The following VTI1A variants were observed in gnomAD, a reference collection of about 807,000 sequenced individuals.
VTI1A encodes the protein vesicle transport through interaction with t-SNAREs 1A, also known as vesicle transport through interaction with t-SNAREs homolog 1A.
Under a neutral mutation model 34.9 loss-of-function variants are expected in VTI1A, and 22 were observed. That is an observed-to-expected ratio of 0.63 (90% CI 0.45 to 0.90). The LOEUF is 0.90. Among genes scored for constraint, VTI1A ranks in the 40% least tolerant of loss-of-function variants. VTI1A has a pLI of 0.00. For missense variants in VTI1A, 268 were observed against 275.6 expected (o/e 0.97, Z 0.20); for synonymous variants, 87 against 97.3 (o/e 0.89, Z 0.62).
Position 112,817,704 on chromosome 10 carries a change from C to T in VTI1A, c.*2321C>T. 1 of 228,988 alleles carries T rather than the reference C, an allele frequency of 4.4e-6. No individual in the cohort carries two copies. Among genetic ancestry groups the T allele is most frequent in the Non-Finnish European group, 8.7e-6 (1 of 115,310 alleles). 14.2% of individuals were successfully genotyped at this position (228,988 alleles called of 1,614,324 possible). Reference sequence around the variant, plus strand: ...CAGAGGCCAATTGCTCTCCTTCCTTCCCTGCCCCACCAGGAAAGGAATAAC... The same window carrying T: ...CAGAGGCCAATTGCTCTCCTTCCTTTCCTGCCCCACCAGGAAAGGAATAAC... On this transcript the variant is annotated 3_prime_UTR_variant, in exon 8 of 8. Transcript: ENST00000393077.
intron 3 of VTI1A, among the ~76,000 whole-genome samples, chr10:112,486,376 T>C (rs1848626962): frequency 6.6e-6 from 1 of 152,182 alleles, no homozygotes; most frequent in Non-Finnish European, 1.5e-5. Flanking sequence ...TACCTCACAA[T>C]GGGTTAATCA....
At chr10:112,504,141 G>T (rs1436028314) in intron 3 of VTI1A, among the ~76,000 whole-genome samples, 3 of 152,134 alleles carry the variant, frequency 2.0e-5, no homozygotes, top group Non-Finnish European at 4.4e-5. Flanking sequence ...TTACCTAGAA[G>T]ATGCTAGAGG....
At chr10:112,787,462 G>A (rs879249412) in intron 7 of VTI1A, among the ~76,000 whole-genome samples, 1 of 151,894 alleles carries the variant, frequency 6.6e-6, no homozygotes, top group African/African-American at 2.4e-5. Flanking sequence ...TTCTTAATGT[G>A]GTAGCTTAGA....
chr10:112,636,097 A>C (rs1846342511), intron 5 of VTI1A, among the ~76,000 whole-genome samples: 2 of 152,200 alleles, frequency 1.3e-5, no homozygotes, highest in African/African-American at 4.8e-5. Context: ...TGCAAGGGAG[A>C]GAGATCCGAG....
chr10:112,821,971 C>T (rs562892309), downstream of VTI1A, among the ~76,000 whole-genome samples: 1 of 152,296 alleles, frequency 6.6e-6, no homozygotes, highest in East Asian at 1.9e-4. Flanking sequence ...CTAGAGAGGC[C>T]GTCCTGTGGT....
intron 5 of VTI1A, among the ~76,000 whole-genome samples, chr10:112,555,177 A>T (rs969010318): frequency 2.0e-5 from 3 of 152,138 alleles, no homozygotes; most frequent in African/African-American, 7.2e-5. Context: ...AATTTTCTCT[A>T]TATTTAAAGT....
chr10:112,817,199 C>A lies in VTI1A; in HGVS notation c.*1816C>A, dbSNP rs910877296. The A allele has an allele frequency of 1.4e-4, 33 of 232,480 alleles. No homozygotes were observed. Among genetic ancestry groups the A allele is most frequent in the Non-Finnish European group, 2.5e-4 (30 of 117,654 alleles). The allele number at this position is 232,480 out of a possible 1,614,324, so 14.4% of individuals were successfully genotyped here. A position where few individuals can be genotyped will look rare whatever the true frequency, so the allele number is the denominator to read the frequency against. ...AATAGTCATCGAGTATTACACCAGCCCCTCTGGTGGCTTCCTTCAAAACTG... is the reference window on the plus strand; with the variant it reads ...AATAGTCATCGAGTATTACACCAGCACCTCTGGTGGCTTCCTTCAAAACTG... On this transcript the variant is annotated 3_prime_UTR_variant, in exon 8 of 8. Coordinates refer to ENST00000393077, the MANE Select transcript of VTI1A (RefSeq NM_145206.4).
chr10:112,854,132 C>T, the VTI1A span, among the ~76,000 whole-genome samples: 1 of 152,204 alleles, frequency 6.6e-6, no homozygotes, highest in Non-Finnish European at 1.5e-5. Flanking sequence ...ACACTGTTCA[C>T]ATGGACAGAG....
intron 5 of VTI1A, among the ~76,000 whole-genome samples, chr10:112,660,300 C>T (rs1473771777): frequency 2.6e-5 from 4 of 152,094 alleles, no homozygotes; most frequent in Admixed American, 2.6e-4. Flanking sequence ...GGGTTTCACC[C>T]TGTTGGCCAG....
At chr10:112,666,807 C>T (rs1188241668) in intron 5 of VTI1A, among the ~76,000 whole-genome samples, 1 of 152,114 alleles carries the variant, frequency 6.6e-6, no homozygotes, top group Non-Finnish European at 1.5e-5. Flanking sequence ...TTATATCAAT[C>T]AATTATCATT....
intron 7 of VTI1A, among the ~76,000 whole-genome samples, chr10:112,746,039 A>G (rs1295441677): frequency 6.6e-6 from 1 of 152,198 alleles, no homozygotes; most frequent in East Asian, 1.9e-4. Context: ...GTACATAGCC[A>G]TTGGTCAACA....
In VTI1A at chr10:112,767,367, T is replaced by C. The variant is rs1361194726; in HGVS notation, c.561-47923T>C. The stretch of plus-strand genomic sequence containing the variant: ...ACCTCAGAGCCCATACTCTTAATCA[T>C]TTGTTTATTTTGCTTCCCCAAGTCC... On this transcript the variant is annotated intron_variant, in intron 7 of 7. Coordinates refer to ENST00000393077, the MANE Select transcript of VTI1A (RefSeq NM_145206.4). The surrounding 1 kb of genome is among the most constrained non-coding windows in gnomAD (Gnocchi z 4.0). 6.6e-6 allele frequency among the ~76,000 whole-genome samples: 1 copy of C among 152,234 alleles called. No individual in the cohort carries two copies. Among genetic ancestry groups the C allele is most frequent in the Admixed American group, 6.5e-5 (1 of 15,278 alleles).
At chr10:112,715,279 T>C (rs556147935) in intron 7 of VTI1A, among the ~76,000 whole-genome samples, 1 of 152,234 alleles carries the variant, frequency 6.6e-6, no homozygotes, top group Admixed American at 6.5e-5. Context: ...AGCACCTAAA[T>C]GAATAATCTA....
At position 112,538,226 on chromosome 10, in the gene VTI1A, TCCCCC is replaced by T. The variant is rs1589876708; in HGVS notation, c.343-19_343-15del. 4 of 1,604,564 alleles carry T rather than the reference TCCCCC, an allele frequency of 2.5e-6. No individual in the cohort carries two copies. The highest frequency in any genetic ancestry group is 3.4e-6 in the Non-Finnish European group (4 of 1,175,272). On this transcript the variant is annotated splice_polypyrimidine_tract_variant and intron_variant, in intron 4 of 7. Coordinates refer to ENST00000393077, the MANE Select transcript of VTI1A (RefSeq NM_145206.4). ...TGTAGACGGCCGTCTGATTTTTTTTTCCCCCTTTTTCTTTTTCAGAGGGCACATCT... is the reference window on the plus strand; with the variant it reads ...TGTAGACGGCCGTCTGATTTTTTTTTTTTTTCTTTTTCAGAGGGCACATCT...
the VTI1A span, among the ~76,000 whole-genome samples, chr10:112,853,696 T>G: frequency 1.3e-5 from 2 of 152,128 alleles, no homozygotes; most frequent in African/African-American, 4.8e-5. Flanking sequence ...TTTTATCCAT[T>G]TCAATGGAGG....
intron 7 of VTI1A, among the ~76,000 whole-genome samples, chr10:112,673,180 G>A (rs975252181): frequency 2.0e-5 from 3 of 151,998 alleles, no homozygotes; most frequent in African/African-American, 4.8e-5. Context: ...AATTCGCCAG[G>A]TGCAGTAGCT....
chr10:112,735,489 A>G (rs1045280459), intron 7 of VTI1A, among the ~76,000 whole-genome samples: 1 of 152,244 alleles, frequency 6.6e-6, no homozygotes, highest in Non-Finnish European at 1.5e-5. Context: ...CAAATTGGCA[A>G]GCTCTGAGCC....
intron 5 of VTI1A, among the ~76,000 whole-genome samples, chr10:112,623,912 G>C (rs542121739): frequency 6.6e-6 from 1 of 152,310 alleles, no homozygotes; most frequent in East Asian, 1.9e-4. Flanking sequence ...AACTGCACTG[G>C]TCAGAAGCAG....
downstream of VTI1A, among the ~76,000 whole-genome samples, chr10:112,819,575 C>T (rs1294613593): frequency 6.6e-6 from 1 of 152,140 alleles, no homozygotes; most frequent in Non-Finnish European, 1.5e-5. Context: ...GTGCCGTCAA[C>T]TGGAGCTCAT....
Sources: gnomAD v4.1 joint callset for allele counts (sites outside exome capture counted in the v4.1 genomes callset) on GRCh38, gnomAD v4.1.1 for gene constraint, Gnocchi (gnomAD v3.1) non-coding constraint, MANE v1.5 for transcripts, NCBI Gene and HGNC (gene_info 2026-07-23, HGNC 2026-07-21) for gene names.